The following FGD4 variants were observed in gnomAD, a reference collection of about 807,000 sequenced individuals.
FGD4 encodes FYVE, RhoGEF and PH domain-containing protein 4.
FGD4 carries 42 observed loss-of-function variants against 102.0 expected under a neutral mutation model. The observed-to-expected ratio is 0.41, with a 90% CI of 0.32 to 0.53. The LOEUF is 0.53. FGD4 is among the 20% of genes least tolerant of loss of function. FGD4 has a pLI of 0.21. For synonymous variants in FGD4, 380 were observed against 375.7 expected (o/e 1.01, Z -0.13); for missense variants, 902 against 1,078.2 (o/e 0.84, Z 2.29).
chr12:32,443,544 T>G (rs956751995), intron 1 of FGD4, among the ~76,000 whole-genome samples: 2 of 148,808 alleles, frequency 1.3e-5, no homozygotes, highest in Non-Finnish European at 3.0e-5. Flanking sequence ...GTTTTTTTTT[T>G]TTTTTTTTTT....
chr12:32,473,069 ACT>A (rs1943464297), intron 1 of FGD4, among the ~76,000 whole-genome samples: 1 of 150,452 alleles, frequency 6.6e-6, no homozygotes, highest in Non-Finnish European at 1.5e-5. Flanking sequence ...GTGTGTCCAA[ACT>A]CTGTATCTAA....
At chr12:32,493,535 A>C (rs1408990864) in intron 1 of FGD4, among the ~76,000 whole-genome samples, 1 of 152,218 alleles carries the variant, frequency 6.6e-6, no homozygotes, top group Non-Finnish European at 1.5e-5. Flanking sequence ...CCTCCACTCC[A>C]TTAGCTCAGA....
chr12:32,550,714 G>A (rs1340203384), intron 1 of FGD4, among the ~76,000 whole-genome samples: 1 of 147,598 alleles, frequency 6.8e-6, no homozygotes, highest in Non-Finnish European at 1.5e-5. Flanking sequence ...AAGTTCATTA[G>A]CACTTAAACA....
Position 32,611,176 on chromosome 12 carries a change from G to A in FGD4, c.1642G>A (p.Gly548Arg), listed in dbSNP as rs1949111837. 2 of 1,614,080 alleles carry A rather than the reference G, an allele frequency of 1.2e-6. No homozygotes were observed. The highest frequency in any genetic ancestry group is 1.1e-5 in the South Asian group (1 of 91,074). The change falls in exon 10 of 17, where the codon GGA becomes AGA. Residue 548 changes from glycine (G) to arginine (R), a missense_variant. This residue lies in a region of FGD4 where 459 missense variants were observed against 619.0 expected (regional missense o/e 0.74). Transcript: ENST00000534526. ...KKLLEIYEML[G>R]EEEDIVNPSN... is the part of the protein sequence containing the mutation. ...ACTCTTAGAGATTTATGAAATGTTG[G>A]GAGAAGAAGAAGACATTGTAAACCC...
intron 1 of FGD4, among the ~76,000 whole-genome samples, chr12:32,520,750 A>G (rs1000012712): frequency 2.6e-5 from 4 of 151,990 alleles, no homozygotes; most frequent in East Asian, 1.9e-4. Flanking sequence ...TTTGTGTTTT[A>G]AAGTGTGTAT....
At chr12:32,542,085 G>A (rs1380292318) in intron 1 of FGD4, among the ~76,000 whole-genome samples, 2 of 152,170 alleles carry the variant, frequency 1.3e-5, no homozygotes, top group African/African-American at 4.8e-5. Context: ...TGGGTGACTG[G>A]CTGGTCCTGA....
chr12:32,475,479 CT>C (rs1328450289), intron 1 of FGD4, among the ~76,000 whole-genome samples: 1 of 152,132 alleles, frequency 6.6e-6, no homozygotes, highest in Non-Finnish European at 1.5e-5. Flanking sequence ...TTAGTTGGTA[CT>C]CAAAGCACCC....
intron 1 of FGD4, among the ~76,000 whole-genome samples, chr12:32,432,682 C>CAGAGCA (rs1218403385): frequency 6.6e-6 from 1 of 151,360 alleles, no homozygotes; most frequent in African/African-American, 2.4e-5. Context: ...GAGAAGGGTT[C>CAGAGCA]TTCATCACTT....
rs1394923711 is a variant in FGD4, at chr12:32,642,443, G to A, written c.*1910G>A. On this transcript the variant is annotated 3_prime_UTR_variant, in exon 17 of 17. Transcript: ENST00000534526. Reference sequence around the variant, plus strand: ...ACTGGGGAAGAGGACTTTTGTAAGTGTGACTAGAACAATGGTAATGTATGG... The same window carrying A: ...ACTGGGGAAGAGGACTTTTGTAAGTATGACTAGAACAATGGTAATGTATGG... The A allele has an allele frequency of 6.6e-6, 1 of 152,072 alleles. No homozygotes were observed. The highest frequency in any genetic ancestry group is 1.5e-5 in the Non-Finnish European group (1 of 67,952). 9.4% of individuals were successfully genotyped at this position (152,072 alleles called of 1,614,324 possible).
At chr12:32,638,922 A>G in intron 16 of FGD4, 127 bp downstream of exon 16, 1 of 1,524,592 alleles carries the variant, frequency 6.6e-7, no homozygotes, top group Non-Finnish European at 8.8e-7. Flanking sequence ...AAATTGAAAA[A>G]TAATGAGTAA....
chr12:32,531,398 C>G (rs937321872), intron 1 of FGD4, among the ~76,000 whole-genome samples: 14 of 152,204 alleles, frequency 9.2e-5, no homozygotes, highest in African/African-American at 3.1e-4. Flanking sequence ...ACCACCACCA[C>G]CACAATGAAG....
chr12:32,582,130 G>T lies in FGD4; in HGVS notation c.674G>T (p.Cys225Phe), dbSNP rs201660852. ...DTDKTQGAQT[C>F]VANGVMAAQN... Reference sequence around the variant, plus strand: ...GATAAGACTCAGGGTGCACAGACTTGTGTGGCCAACGGTGTAATGGCAGCA... The same window carrying T: ...GATAAGACTCAGGGTGCACAGACTTTTGTGGCCAACGGTGTAATGGCAGCA... Residue 225 changes from cysteine to phenylalanine, a missense_variant, in exon 4 of 17, where the codon TGT becomes TTT. Transcript: ENST00000534526. 3.1e-5 allele frequency: 50 copies of T among 1,614,234 alleles called. 1 individual carries two copies. The South Asian group carries it at 5.4e-4, about 17-fold the overall frequency.
At position 32,602,295 on chromosome 12, in the gene FGD4, A is replaced by C; in HGVS notation, c.1382A>C (p.Lys461Thr). ...KNMTERIPQF[K>T]SVVEEIQKQK... ...ATGACAGAACGTATTCCCCAGTTCA[A>C]ATCAGTGGTTGAAGAAATTCAGGTA... The change falls in exon 7 of 17, where the codon AAA becomes ACA. Residue 461 changes from lysine to threonine, a missense_variant. Coordinates refer to ENST00000534526, the MANE Select transcript of FGD4 (RefSeq NM_001370298.3). 6.2e-7 allele frequency: 1 copy of C among 1,614,134 alleles called. No individual in the cohort carries two copies. The highest frequency in any genetic ancestry group is 2.2e-5 in the East Asian group (1 of 44,846).
At position 32,533,100 on chromosome 12, in the gene FGD4, C is replaced by T. The variant is rs190239660; in HGVS notation, c.167-31037C>T. On this transcript the variant is annotated intron_variant, in intron 1 of 16. Coordinates refer to ENST00000534526, the MANE Select transcript of FGD4 (RefSeq NM_001370298.3). The stretch of plus-strand genomic sequence containing the variant: ...GCAAGTCCTTTAATCCTCCCTAACC[C>T]AGCAATTCACTGCCCCAGTGGTTCT... 7.2e-5 allele frequency among the ~76,000 whole-genome samples: 11 copies of T among 152,278 alleles called. No individual in the cohort carries two copies. In the East Asian group the frequency reaches 2.1e-3, roughly 29 times the overall value.
At position 32,508,046 on chromosome 12, in the gene FGD4, G is replaced by A. The variant is rs78177198; in HGVS notation, c.167-56091G>A. On this transcript the variant is annotated intron_variant, in intron 1 of 16. Transcript: ENST00000534526. The stretch of plus-strand genomic sequence containing the variant: ...CCAGGACATGCTCTGCACTCACACC[G>A]TGCTCAGCTAAGAGTATCATTTGCA... 2.6e-3 allele frequency among the ~76,000 whole-genome samples: 402 copies of A among 152,288 alleles called. 2 individuals are homozygous for A. The highest frequency in any genetic ancestry group is 9.3e-3 in the East Asian group (48 of 5,180).
chr12:32,416,966 G>A (rs546184867), intron 1 of FGD4, among the ~76,000 whole-genome samples: 91 of 150,564 alleles, frequency 6.0e-4, no homozygotes, highest in Admixed American at 5.6e-3. Context: ...GCACAATCTC[G>A]GCTCACTGCA....
At chr12:32,626,838 G>GT (rs200275235) in intron 14 of FGD4, among the ~76,000 whole-genome samples, 1,904 of 151,670 alleles carry the variant, frequency 0.013, 34 homozygotes, top group East Asian at 0.035. Context: ...TATTTATTTG[G>GT]TTTTTTTTGT....
intron 1 of FGD4, among the ~76,000 whole-genome samples, chr12:32,525,622 G>T (rs1941064411): frequency 6.6e-6 from 1 of 152,188 alleles, no homozygotes; most frequent in Non-Finnish European, 1.5e-5. Context: ...GCCCCTTTCT[G>T]GGCTGGCCAA....
intron 10 of FGD4, among the ~76,000 whole-genome samples, chr12:32,618,198 C>A (rs933674881): frequency 6.6e-6 from 1 of 152,226 alleles, no homozygotes; most frequent in African/African-American, 2.4e-5. Context: ...GGATAACTCA[C>A]AAATTTTATG....
Sources: gnomAD v4.1 joint callset for allele counts (sites outside exome capture counted in the v4.1 genomes callset) on GRCh38, gnomAD v4.1.1 for gene constraint, gnomAD v4.1.1 regional missense constraint, MANE v1.5 for transcripts, NCBI Gene and HGNC (gene_info 2026-07-23, HGNC 2026-07-21) for gene names.